Variants in TENM1 observed in about 807,000 individuals in gnomAD.
TENM1 encodes teneurin transmembrane protein 1.
A neutral mutation model predicts 174.8 loss-of-function variants in TENM1; 35 were observed. The ratio of observed to expected loss-of-function variants is 0.20; its 90% CI spans 0.15 to 0.27. The LOEUF is 0.27. Ranked by LOEUF, TENM1 falls within the 10% of genes least tolerant of loss-of-function variation. The pLI, the probability that TENM1 is intolerant of heterozygous loss-of-function variation, is 1.00. For synonymous variants in TENM1, 781 were observed against 798.7 expected, an observed-to-expected ratio of 0.98 and a Z score of 0.37; for missense variants, 1,633 against 2,130.1, an observed-to-expected ratio of 0.77 and a Z score of 4.59.
At chrX:124,883,800 T>G (rs2057339752) in intron 3 of TENM1, among the ~76,000 whole-genome samples, 1 of 111,735 alleles carries the variant, frequency 8.9e-6, no homozygotes, top group Non-Finnish European at 1.9e-5. Context: ...TTGGCCCAAC[T>G]TGAGGCTTCT....
rs184629505 is a variant in TENM1, at chrX:124,551,004, A to C, written c.2435-3914T>G. On this transcript the variant is annotated intron_variant, in intron 14 of 31. Transcript: ENST00000422452. ...CAAACTCCTGGCCTCAGGTGATCAA[A>C]CTGCCTTGGCCTCCCAAACTGTTGG... is the stretch of plus-strand genomic sequence containing the variant. Among the ~76,000 whole-genome samples, 3 of 112,392 alleles carry C rather than the reference A, an allele frequency of 2.7e-5. No homozygotes were observed. In the East Asian group the frequency reaches 8.4e-4, roughly 32 times the overall value.
the TENM1 span, among the ~76,000 whole-genome samples, chrX:125,182,742 G>A: frequency 5.8e-4 from 64 of 110,882 alleles, no homozygotes; most frequent in Middle Eastern, 4.6e-3. Context: ...CTAGCACCAT[G>A]CCTGGCACAC....
At chrX:124,805,176 G>A (rs1352133417) in intron 3 of TENM1, among the ~76,000 whole-genome samples, 3 of 111,991 alleles carry the variant, frequency 2.7e-5, no homozygotes, top group African/African-American at 9.7e-5. Context: ...ATGACAATAT[G>A]TGTATTGCTC....
chrX:124,506,433 G>A (rs1011101397), intron 18 of TENM1, among the ~76,000 whole-genome samples: 3 of 110,006 alleles, frequency 2.7e-5, no homozygotes, highest in African/African-American at 9.9e-5. Context: ...CAACAAAAAA[G>A]TGCATTGGCT....
At chrX:125,067,895 T>C in the TENM1 span, among the ~76,000 whole-genome samples, 1 of 112,013 alleles carries the variant, frequency 8.9e-6, no homozygotes, top group Non-Finnish European at 1.9e-5. Context: ...AAATTTTCTA[T>C]AAATTCCAGT....
intron 23 of TENM1, among the ~76,000 whole-genome samples, chrX:124,429,938 G>A (rs1218661708): frequency 8.9e-6 from 1 of 112,161 alleles, no homozygotes; most frequent in Non-Finnish European, 1.9e-5. Context: ...AAGTCATGGA[G>A]AGTGGTATAT....
intron 3 of TENM1, among the ~76,000 whole-genome samples, chrX:124,793,077 A>G (rs183500007): frequency 8.9e-6 from 1 of 112,060 alleles, no homozygotes; most frequent in Non-Finnish European, 1.9e-5. Flanking sequence ...TGTTCACCAC[A>G]ATAGTATTAG....
At chrX:125,057,527 TTTTATG>T in the TENM1 span, among the ~76,000 whole-genome samples, 9 of 111,614 alleles carry the variant, frequency 8.1e-5, no homozygotes, top group African/African-American at 2.9e-4. Flanking sequence ...TTTTCCAGTC[TTTTATG>T]TTTATAATTC....
chrX:125,127,889 T>G, the TENM1 span, among the ~76,000 whole-genome samples: 1 of 111,154 alleles, frequency 9.0e-6, no homozygotes, highest in Non-Finnish European at 1.9e-5. Context: ...CAACCTCCCT[T>G]ATGAAGAGGT....
the TENM1 span, among the ~76,000 whole-genome samples, chrX:125,072,500 T>A: frequency 9.0e-6 from 1 of 111,531 alleles, no homozygotes; most frequent in Non-Finnish European, 1.9e-5. Flanking sequence ...CTCACTTCAT[T>A]TTTTAAAAAA....
At chrX:124,901,671 T>TC (rs2057666458) in intron 1 of TENM1, among the ~76,000 whole-genome samples, 1 of 109,970 alleles carries the variant, frequency 9.1e-6, no homozygotes, top group South Asian at 3.9e-4. Flanking sequence ...AGAGAAGAGC[T>TC]CCCCCCAGTG....
chrX:124,678,473 A>T (rs1307051547), intron 5 of TENM1, among the ~76,000 whole-genome samples: 3 of 111,490 alleles, frequency 2.7e-5, no homozygotes, highest in African/African-American at 9.7e-5. Flanking sequence ...TTTTACAATG[A>T]TAATGTATTC....
At chrX:124,735,765 A>G (rs2053656550) in intron 4 of TENM1, among the ~76,000 whole-genome samples, 2 of 111,943 alleles carry the variant, frequency 1.8e-5, no homozygotes, top group African/African-American at 3.3e-5. Context: ...TTAAAAAAAA[A>G]TCATGTTTTT....
At chrX:124,991,155 G>A in the TENM1 span, among the ~76,000 whole-genome samples, 1 of 110,988 alleles carries the variant, frequency 9.0e-6, no homozygotes, top group Non-Finnish European at 1.9e-5. Context: ...AGATTGAAAG[G>A]TGATATGAGA....
At chrX:124,384,424 A>T in exon 30 of TENM1, 1 of 1,210,906 alleles carries the variant, frequency 8.3e-7, no homozygotes, top group Non-Finnish European at 1.1e-6. Flanking sequence ...CATTTACAGA[A>T]ACAGTCTGAA....
At chrX:125,004,609 GAAT>G in the TENM1 span, among the ~76,000 whole-genome samples, 1 of 111,613 alleles carries the variant, frequency 9.0e-6, no homozygotes, top group Non-Finnish European at 1.9e-5. Flanking sequence ...TTTTTACTTT[GAAT>G]AATTTCAAAC....
At chrX:124,518,115 G>C (rs1444964193) in intron 18 of TENM1, among the ~76,000 whole-genome samples, 3 of 111,151 alleles carry the variant, frequency 2.7e-5, no homozygotes, top group Admixed American at 9.6e-5. Flanking sequence ...GGCTTGTAGG[G>C]GGAAGAGGAT....
At chrX:124,791,935 A>G in intron 3 of TENM1, among the ~76,000 whole-genome samples, 1 of 111,318 alleles carries the variant, frequency 9.0e-6, no homozygotes, top group Non-Finnish European at 1.9e-5. Flanking sequence ...GTTGACAGAA[A>G]GCCTTCAGGG....
intron 1 of TENM1, among the ~76,000 whole-genome samples, chrX:124,907,271 G>C (rs1380519551): frequency 8.9e-6 from 1 of 112,069 alleles, no homozygotes; most frequent in Non-Finnish European, 1.9e-5. Flanking sequence ...CTCTCAACTT[G>C]TCTGCCATTT....
Sources: gnomAD v4.1 joint callset for allele counts (sites outside exome capture counted in the v4.1 genomes callset) on GRCh38, gnomAD v4.1.1 for gene constraint, MANE v1.5 for transcripts, NCBI Gene and HGNC (gene_info 2026-07-23, HGNC 2026-07-21) for gene names.